PSAT1: variants seen among roughly 807,000 people sequenced by gnomAD.
PSAT1 encodes the protein phosphoserine aminotransferase 1, also known as phosphoserine aminotransferase.
Under a neutral mutation model 40.3 loss-of-function variants are expected in PSAT1, and 41 were observed. The observed-to-expected ratio is 1.02, with a 90% CI of 0.79 to 1.32. The LOEUF is 1.32. PSAT1 is among the 40% of genes most tolerant of loss of function. The pLI is 0.00. For missense variants in PSAT1, 406 were observed against 455.8 expected (o/e 0.89, Z 0.99); for synonymous variants, 147 against 170.5 (o/e 0.86, Z 1.07).
In PSAT1 at chr9:78,310,643, C is replaced by T. The variant is rs181348414; in HGVS notation, c.740+2060C>T. ...TTTTTTTTTTTTTGACAGAATCTTG[C>T]TCTGTTGCCCAGGCTGGAGTGCAGT... On this transcript the variant is annotated intron_variant, in intron 6 of 8. Transcript: ENST00000376588. Among the ~76,000 whole-genome samples the T allele has an allele frequency of 1.3e-4, 20 of 149,954 alleles. No individual in the cohort carries two copies. In the East Asian group the frequency reaches 3.6e-3, roughly 27 times the overall value.
In PSAT1 at chr9:78,317,658, T is replaced by TA. The variant is rs1233584831; in HGVS notation, c.741-13dup. ...GCAAAGATGAGCTAAACGGATTTTT[T>TA]AAAAATCTTCATTTTAGCATCTACG... On this transcript the variant is annotated splice_polypyrimidine_tract_variant and intron_variant, in intron 6 of 8. Transcript: ENST00000376588. The TA allele has an allele frequency of 8.1e-6, 13 of 1,613,242 alleles. No individual in the cohort carries two copies. Among genetic ancestry groups the TA allele is most frequent in the South Asian group, 5.5e-5 (5 of 91,034 alleles).
At chr9:78,317,426 A>G (rs1564017530) in intron 6 of PSAT1, among the ~76,000 whole-genome samples, 1 of 151,992 alleles carries the variant, frequency 6.6e-6, no homozygotes, top group African/African-American at 2.4e-5. Flanking sequence ...CTAATTTTTC[A>G]ATTTTTATGG....
intron 7 of PSAT1, among the ~76,000 whole-genome samples, chr9:78,320,337 T>TATCC (rs1208452643): frequency 1.1e-4 from 4 of 37,348 alleles, no homozygotes; most frequent in Non-Finnish European, 2.5e-4. Flanking sequence ...TCCATCCATC[T>TATCC]ATCCATCCAT....
chr9:78,329,337 C>T lies in PSAT1; in HGVS notation c.*251C>T, dbSNP rs76966550. ...TTGTTGCTTTTCTAACAAATTCCCG[C>T]GTATTTTGCCTTTGCTGCTACTTTT... On this transcript the variant is annotated 3_prime_UTR_variant, in exon 9 of 9. Transcript: ENST00000376588. 2.7e-3 allele frequency: 1,282 copies of T among 481,304 alleles called. 13 individuals carry two copies. The highest frequency in any genetic ancestry group is 0.023 in the African/African-American group (1,158 of 51,346). 29.8% of individuals were successfully genotyped at this position (481,304 alleles called of 1,614,324 possible).
In PSAT1 at chr9:78,306,172, T is replaced by G. The variant is rs1537173; in HGVS notation, c.398-142T>G. ...GGTAACAAAGGATGAGGCTGGGAGG[T>G]TGCTTTCACTCGTGCAATGCTTTGG... On this transcript the variant is annotated intron_variant, in intron 4 of 8. Transcript: ENST00000376588. The G allele has an allele frequency of 0.75, 644,398 of 860,538 alleles. 242,250 individuals carry two copies. Among genetic ancestry groups the G allele is most frequent in the Admixed American group, 0.83 (47,680 of 57,706 alleles). 53.3% of individuals were successfully genotyped at this position (860,538 alleles called of 1,614,324 possible). A position where few individuals can be genotyped will look rare whatever the true frequency, so the allele number is the denominator to read the frequency against.
At chr9:78,313,282 T>C (rs1828293427) in intron 6 of PSAT1, among the ~76,000 whole-genome samples, 2 of 152,166 alleles carry the variant, frequency 1.3e-5, no homozygotes, top group Non-Finnish European at 2.9e-5. Flanking sequence ...GGGAGATCAC[T>C]TGAACCTGGG....
At chr9:78,303,870 T>C (rs1828142689) in intron 3 of PSAT1, among the ~76,000 whole-genome samples, 1 of 152,232 alleles carries the variant, frequency 6.6e-6, no homozygotes, top group Non-Finnish European at 1.5e-5. Flanking sequence ...CCTTACTCAG[T>C]GGCTTGGGTC....
intron 7 of PSAT1, among the ~76,000 whole-genome samples, chr9:78,321,669 G>A (rs2118695085): frequency 1.3e-5 from 2 of 152,150 alleles, no homozygotes; most frequent in Middle Eastern, 6.8e-3. Flanking sequence ...GACAACCATC[G>A]AAGCCTCCAA....
rs577960466 is a variant in PSAT1 at position 78,304,268 on chromosome 9, C to T, written c.192-467C>T. Among the ~76,000 whole-genome samples the T allele has an allele frequency of 1.5e-3, 229 of 152,288 alleles. 1 individual carries two copies. The highest frequency in any genetic ancestry group is 2.7e-3 in the Admixed American group (41 of 15,300). On this transcript the variant is annotated intron_variant, in intron 3 of 8. Transcript: ENST00000376588. ...CTTATGTGTTCTCTTCATTGGGTGG[C>T]CACCATTGGTTGCAGGATTAGCTCC...
rs1828036168 is a variant in PSAT1, at chr9:78,297,137, C to G, written c.-74C>G. The G allele has an allele frequency of 1.4e-6, 2 of 1,467,280 alleles. No homozygotes were observed. The highest frequency in any genetic ancestry group is 1.9e-6 in the Non-Finnish European group (2 of 1,077,870). The allele number at this position is 1,467,280 out of a possible 1,614,324, so 90.9% of individuals were successfully genotyped here. ...TTCGGGGCCGGCTGCAGACTCTCAC[C>G]GCAGCGGCCAGGAACGCCAGCCGTT... On this transcript the variant is annotated 5_prime_UTR_variant, in exon 1 of 9. Transcript: ENST00000376588.
chr9:78,305,175 T>G (rs1828163270), intron 4 of PSAT1, among the ~76,000 whole-genome samples: 2 of 152,160 alleles, frequency 1.3e-5, no homozygotes. Flanking sequence ...AGTGCAGTGG[T>G]GCAATCTCAG....
At chr9:78,324,600 G>A (rs2118703621) in intron 7 of PSAT1, among the ~76,000 whole-genome samples, 1 of 152,326 alleles carries the variant, frequency 6.6e-6, no homozygotes, top group Non-Finnish European at 1.5e-5. Context: ...GCCCACAGTG[G>A]TGCTTGACGG....
At chr9:78,313,337 C>T (rs1359563134) in intron 6 of PSAT1, among the ~76,000 whole-genome samples, 1 of 152,142 alleles carries the variant, frequency 6.6e-6, no homozygotes, top group Non-Finnish European at 1.5e-5. Flanking sequence ...TGCACTCCAG[C>T]CGGGGTGACA....
chr9:78,305,027 C>A, intron 4 of PSAT1, 87 bp downstream of exon 4: 3 of 1,211,510 alleles, frequency 2.5e-6, no homozygotes, highest in South Asian at 2.6e-5. Context: ...CAATTATTTT[C>A]TCCCCTTGAC....
chr9:78,317,765 C>A lies in PSAT1; in HGVS notation c.830C>A (p.Thr277Lys). Residue 277 changes from threonine (T) to lysine (K), a missense_variant, in exon 7 of 9, where the codon ACA becomes AAA. Coordinates refer to ENST00000376588, the MANE Select transcript of PSAT1 (RefSeq NM_058179.4). ...MEKLSSIKSQ[T>K]IYEIIDNSQG... ...AAGCTTAGCTCCATCAAATCTCAAA[C>A]AATTTATGAGATTATTGATAATTCT... The A allele has an allele frequency of 6.2e-7, 1 of 1,612,936 alleles. No homozygotes were observed. The highest frequency in any genetic ancestry group is 8.5e-7 in the Non-Finnish European group (1 of 1,179,280).
At chr9:78,327,974 A>G in intron 7 of PSAT1, 77 bp from the exon 8 acceptor site, 2 of 1,521,294 alleles carry the variant, frequency 1.3e-6, no homozygotes, top group East Asian at 2.3e-5. Flanking sequence ...AGTGTTAAGA[A>G]AAAAAAATCT....
intron 4 of PSAT1, among the ~76,000 whole-genome samples, chr9:78,305,525 C>A (rs1054974187): frequency 6.6e-6 from 1 of 152,058 alleles, no homozygotes; most frequent in Non-Finnish European, 1.5e-5. Flanking sequence ...TGATCAGGGG[C>A]CCCAACAATG....
chr9:78,326,955 A>ATATATATATATTTTTT, intron 7 of PSAT1, among the ~76,000 whole-genome samples: 3 of 75,966 alleles, frequency 3.9e-5, no homozygotes, highest in African/African-American at 2.8e-4. Context: ...ATATATATAT[A>ATATATATATATTTTTT]TTTTTTTTTT....
chr9:78,308,586 A>G lies in PSAT1; in HGVS notation c.740+3A>G, dbSNP rs1203560717. The G allele has an allele frequency of 1.1e-5, 18 of 1,614,034 alleles. No homozygotes were observed. In the South Asian group the frequency reaches 1.2e-4, roughly 11 times the overall value. On this transcript the variant is annotated splice_donor_region_variant and intron_variant, in intron 6 of 8. Transcript: ENST00000376588. ...TACAACACGCCTCCATGTTTCAGGTAACTCTGGGAGTCAGTCTTGTGGACC... is the reference window on the plus strand; with the variant it reads ...TACAACACGCCTCCATGTTTCAGGTGACTCTGGGAGTCAGTCTTGTGGACC...
Sources: gnomAD v4.1 joint callset for allele counts (sites outside exome capture counted in the v4.1 genomes callset) on GRCh38, gnomAD v4.1.1 for gene constraint, MANE v1.5 for transcripts, NCBI Gene and HGNC (gene_info 2026-07-23, HGNC 2026-07-21) for gene names.